BLTP2: variants seen among roughly 807,000 people sequenced by gnomAD.
The protein encoded by BLTP2 is bridge-like lipid transfer protein family member 2, also known as U937-associated antigen.
chr17:28,632,061 A>G, the BLTP2 span: 2 of 1,612,816 alleles, frequency 1.2e-6, no homozygotes. Context: ...GCAGCTGGGG[A>G]AAGAGGGCTG....
At chr17:28,618,714 T>G in the BLTP2 span, 1 of 1,180,344 alleles carries the variant, frequency 8.5e-7, no homozygotes, top group South Asian at 1.5e-5. Flanking sequence ...TTTATTTCTC[T>G]TTTATGAGTT....
chr17:28,638,263 A>G, the BLTP2 span: 2 of 1,612,136 alleles, frequency 1.2e-6, no homozygotes, highest in Non-Finnish European at 1.7e-6. Flanking sequence ...TGTAGTGTGA[A>G]GGAGTCCAGA....
the BLTP2 span, chr17:28,644,330 G>A: frequency 4.5e-6 from 4 of 885,016 alleles, no homozygotes; most frequent in South Asian, 6.8e-5. Context: ...GCACCACTCT[G>A]TCATATACAT....
the BLTP2 span, chr17:28,636,834 T>A: frequency 1.3e-6 from 1 of 742,342 alleles, no homozygotes. Context: ...AGCCCAGTAG[T>A]TTAAGACCAG....
chr17:28,640,583 T>C, the BLTP2 span: 3 of 1,614,136 alleles, frequency 1.9e-6, no homozygotes, highest in East Asian at 2.2e-5. Context: ...TCATGGACAA[T>C]ACCACGCTTG....
At chr17:28,626,174 ATAAAAG>A in the BLTP2 span, among the ~76,000 whole-genome samples, 14 of 152,320 alleles carry the variant, frequency 9.2e-5, no homozygotes, top group East Asian at 5.8e-4. Flanking sequence ...ATCTGTCTTC[ATAAAAG>A]TAAAACAATG....
chr17:28,621,006 G>A, the BLTP2 span: 1 of 1,614,106 alleles, frequency 6.2e-7, no homozygotes, highest in South Asian at 1.1e-5. Context: ...TTCTTTAGGA[G>A]ATCTTCCTTT....
the BLTP2 span, chr17:28,633,492 T>C: frequency 6.3e-7 from 1 of 1,590,178 alleles, no homozygotes. Context: ...CCACATGTGC[T>C]ATACAGACCT....
At chr17:28,639,668 G>C in the BLTP2 span, 1 of 1,608,774 alleles carries the variant, frequency 6.2e-7, no homozygotes, top group Non-Finnish European at 8.5e-7. Context: ...GGACAGATCA[G>C]AGGAGAGCAC....
the BLTP2 span, chr17:28,619,713 C>T: frequency 6.2e-7 from 1 of 1,613,938 alleles, no homozygotes; most frequent in Non-Finnish European, 8.5e-7. Context: ...CCTGGTTTAG[C>T]TGCAACTGAA....
the BLTP2 span, chr17:28,639,507 A>G: frequency 6.2e-7 from 1 of 1,613,638 alleles, no homozygotes; most frequent in Non-Finnish European, 8.5e-7. Flanking sequence ...TATTTCACAA[A>G]CTCAAAACGA....
chr17:28,624,157 A>G, the BLTP2 span: 2 of 1,523,116 alleles, frequency 1.3e-6, no homozygotes, highest in Non-Finnish European at 1.8e-6. Context: ...ACCCATTCAT[A>G]TTTAGAGGTG....
At chr17:28,639,116 T>TA in the BLTP2 span, 2 of 615,722 alleles carry the variant, frequency 3.2e-6, no homozygotes, top group African/African-American at 3.7e-5. Flanking sequence ...ACCGAGGACA[T>TA]AAAAACAAAG....
At chr17:28,644,268 T>C in the BLTP2 span, 1 of 1,485,690 alleles carries the variant, frequency 6.7e-7, no homozygotes. Flanking sequence ...TTCAAAGCCT[T>C]GCAAAAGGTC....
At chr17:28,633,244 C>A in the BLTP2 span, 2 of 1,599,186 alleles carry the variant, frequency 1.3e-6, no homozygotes, top group Non-Finnish European at 1.7e-6. Context: ...CAACCTGAGC[C>A]CCTCATCCCA....
chr17:28,620,663 C>T, the BLTP2 span: 4 of 1,609,576 alleles, frequency 2.5e-6, no homozygotes, highest in Non-Finnish European at 3.4e-6. Context: ...ATAAAAGGCT[C>T]AAGTTTCTAC....
At chr17:28,628,116 A>G in the BLTP2 span, 1 of 674,258 alleles carries the variant, frequency 1.5e-6, no homozygotes, top group African/African-American at 1.8e-5. Context: ...CTTAATATGT[A>G]AGACTTAGGT....
At chr17:28,637,176 A>G in the BLTP2 span, 1 of 1,613,370 alleles carries the variant, frequency 6.2e-7, no homozygotes. Flanking sequence ...AGCACCTAAC[A>G]ACCAGAAACC....
the BLTP2 span, chr17:28,623,738 C>G: frequency 6.2e-7 from 1 of 1,606,572 alleles, no homozygotes; most frequent in African/African-American, 1.3e-5. Context: ...TATAATGGGC[C>G]TTCACAAACT....
Sources: gnomAD v4.1 joint callset for allele counts (sites outside exome capture counted in the v4.1 genomes callset) on GRCh38, gnomAD v4.1.1 for gene constraint, MANE v1.5 for transcripts, NCBI Gene and HGNC (gene_info 2026-07-23, HGNC 2026-07-21) for gene names.